Variants in PPT1 observed in about 807,000 individuals in gnomAD.
PPT1 encodes the protein ceroid-palmitoyl-palmitoyl-protein thioesterase 1.
Under a neutral mutation model 44.0 loss-of-function variants are expected in PPT1, and 24 were observed. The observed-to-expected ratio is 0.54, with a 90% CI of 0.39 to 0.77. The LOEUF (loss-of-function observed/expected upper bound fraction) is 0.77, where lower values mean the gene tolerates loss of function less well. Among genes scored for constraint, PPT1 ranks in the 30% least tolerant of loss-of-function variants. The pLI is 0.00. For missense variants in PPT1, 341 were observed against 378.8 expected (o/e 0.90, Z 0.83); for synonymous variants, 148 against 140.2 (o/e 1.06, Z -0.39).
intron 1 of PPT1, among the ~76,000 whole-genome samples, chr1:40,092,843 T>G (rs975218585): frequency 6.6e-6 from 1 of 152,120 alleles, no homozygotes. Context: ...CAGACTAGGA[T>G]GTCTTTAATA....
At chr1:40,094,639 A>C (rs968929891) in intron 1 of PPT1, among the ~76,000 whole-genome samples, 6 of 152,330 alleles carry the variant, frequency 3.9e-5, no homozygotes, top group Non-Finnish European at 8.8e-5. Context: ...GGGAACTAGA[A>C]CTAGGAACAG....
chr1:40,071,676 G>A (rs1344228980), downstream of PPT1: 13 of 600,998 alleles, frequency 2.2e-5, no homozygotes, highest in Non-Finnish European at 3.6e-5. Context: ...TGCCTTCACT[G>A]AAATATACCT....
At chr1:40,076,632 G>A (rs80098739) in intron 8 of PPT1, 18 of 1,391,108 alleles carry the variant, frequency 1.3e-5, no homozygotes, top group Non-Finnish European at 1.2e-5. Context: ...AGGATGTAGT[G>A]GATTTTTGTA....
intron 1 of PPT1, among the ~76,000 whole-genome samples, chr1:40,096,216 C>T (rs1011439824): frequency 6.6e-6 from 1 of 152,162 alleles, no homozygotes; most frequent in Non-Finnish European, 1.5e-5. Context: ...AGTTTTTATC[C>T]TACACCCTAC....
chr1:40,092,157 A>G lies in PPT1; in HGVS notation c.250T>C (p.Phe84Leu), dbSNP rs138702730. Residue 84 changes from phenylalanine to leucine, a missense_variant, in exon 3 of 9, where the codon TTC becomes CTC. By Grantham distance (22) the Phe-to-Leu change is conservative. Transcript: ENST00000642050. ...KTLMEDVENS[F>L]FLNVNSQVTT... ...ACTTGGGAATTGACATTCAAGAAGA[A>G]GCTGTTCTCCACGTCCTAAAAAAGA... The G allele has an allele frequency of 6.2e-7, 1 of 1,614,056 alleles. No individual in the cohort carries two copies. Among genetic ancestry groups the G allele is most frequent in the Non-Finnish European group, 8.5e-7 (1 of 1,180,024 alleles).
At chr1:40,086,630 G>A (rs1407212579) in intron 5 of PPT1, among the ~76,000 whole-genome samples, 1 of 152,140 alleles carries the variant, frequency 6.6e-6, no homozygotes, top group Non-Finnish European at 1.5e-5. Flanking sequence ...CTGGGGCATG[G>A]TCCCTTCCTG....
chr1:40,087,269 G>A (rs1483210953), intron 5 of PPT1, among the ~76,000 whole-genome samples: 1 of 151,934 alleles, frequency 6.6e-6, no homozygotes, highest in Non-Finnish European at 1.5e-5. Context: ...TTGAGACAGA[G>A]TCTCACTCTG....
intron 1 of PPT1, 97 bp downstream of exon 1, chr1:40,097,018 C>T (rs1351839065): frequency 6.2e-7 from 1 of 1,606,160 alleles, no homozygotes; most frequent in African/African-American, 1.3e-5. Context: ...TGCTGTGGGA[C>T]CACGTCCTCG....
At chr1:40,096,891 C>A in intron 1 of PPT1, 2 of 737,772 alleles carry the variant, frequency 2.7e-6, no homozygotes, top group Non-Finnish European at 2.2e-6. Flanking sequence ...AACTTCAACG[C>A]CGTGCGCGGC....
intron 5 of PPT1, among the ~76,000 whole-genome samples, chr1:40,088,676 TG>T (rs1649391593): frequency 6.6e-6 from 1 of 152,168 alleles, no homozygotes; most frequent in South Asian, 2.1e-4. Context: ...CTCAAAGAGC[TG>T]GGATTACAAG....
At chr1:40,078,856 T>G in intron 6 of PPT1, 198 bp from the exon 7 acceptor site, 1 of 573,172 alleles carries the variant, frequency 1.7e-6, no homozygotes, top group Non-Finnish European at 3.3e-6. Context: ...ACAAAATATT[T>G]TATTTTAGAT....
At chr1:40,084,291 G>A (rs1197345772) in intron 5 of PPT1, among the ~76,000 whole-genome samples, 1 of 152,180 alleles carries the variant, frequency 6.6e-6, no homozygotes, top group African/African-American at 2.4e-5. Context: ...TCTTACGGAT[G>A]AGCAAAACAG....
At chr1:40,074,875 G>A (rs1648532670) in intron 8 of PPT1, among the ~76,000 whole-genome samples, 1 of 152,160 alleles carries the variant, frequency 6.6e-6, no homozygotes, top group Non-Finnish European at 1.5e-5. Context: ...CCTATAGGTG[G>A]GCAAGCCATA....
chr1:40,088,124 G>A (rs541712223), intron 5 of PPT1, among the ~76,000 whole-genome samples: 12 of 151,680 alleles, frequency 7.9e-5, no homozygotes, highest in Non-Finnish European at 1.6e-4. Context: ...TCAAGAGCAC[G>A]TCAGACCTAC....
At position 40,090,603 on chromosome 1, in the gene PPT1, C is replaced by T. The variant is rs11581787; in HGVS notation, c.433+726G>A. 6.7e-3 allele frequency among the ~76,000 whole-genome samples: 1,025 copies of T among 152,238 alleles called. 5 individuals are homozygous for T. Among genetic ancestry groups the T allele is most frequent in the Admixed American group, 0.016 (243 of 15,292 alleles). On this transcript the variant is annotated intron_variant, in intron 4 of 8. Coordinates refer to ENST00000642050, the MANE Select transcript of PPT1 (RefSeq NM_000310.4). ...TGAATAATAAAGCTGTTTTTACCAA[C>T]TTACGTTTGTATAATCCTTATACTT...
intron 5 of PPT1, among the ~76,000 whole-genome samples, chr1:40,084,975 C>T (rs543598699): frequency 3.9e-5 from 6 of 152,298 alleles, no homozygotes; most frequent in African/African-American, 1.2e-4. Context: ...AGGAAAAACA[C>T]CCACTACTTA....
At chr1:40,087,695 G>A (rs1158763233) in intron 5 of PPT1, among the ~76,000 whole-genome samples, 1 of 151,904 alleles carries the variant, frequency 6.6e-6, no homozygotes, top group Non-Finnish European at 1.5e-5. Context: ...TGAGAATAAA[G>A]AGTAAAGGAA....
intron 1 of PPT1, among the ~76,000 whole-genome samples, chr1:40,095,802 C>T (rs1649812086): frequency 6.6e-6 from 1 of 152,182 alleles, no homozygotes. Flanking sequence ...CTGTGACCAT[C>T]CATGACGCCC....
rs386833658 is a variant in PPT1, at chr1:40,080,458, G to A, written c.566C>T (p.Pro189Leu). Residue 189 changes from proline to leucine, a missense_variant, in exon 6 of 9, where the codon CCC becomes CTC. Coordinates refer to ENST00000642050, the MANE Select transcript of PPT1 (RefSeq NM_000310.4). ...GTTGCGATACACATCCTCCTTTATG[G>A]GGTCATGCCAGTATTCGGCTTGCAC... ...RLVQAEYWHD[P>L]IKEDVYRNHS... 28 of 1,614,022 alleles carry A rather than the reference G, an allele frequency of 1.7e-5. No homozygotes were observed. The highest frequency in any genetic ancestry group is 2.3e-5 in the Non-Finnish European group (27 of 1,180,002).
Sources: allele counts gnomAD v4.1 joint callset (sites outside exome capture counted in the v4.1 genomes callset), GRCh38; gene constraint gnomAD v4.1.1; transcripts MANE v1.5; gene names NCBI Gene and HGNC (gene_info 2026-07-23, HGNC 2026-07-21).